DLG2: variants seen among roughly 807,000 people sequenced by gnomAD.
DLG2 encodes disks large homolog 2.
Under a neutral mutation model 132.5 loss-of-function variants are expected in DLG2, and 45 were observed. The ratio of observed to expected loss-of-function variants is 0.34; its 90% CI spans 0.27 to 0.44. DLG2 has a LOEUF of 0.44. DLG2 is among the 20% of genes least tolerant of loss of function. DLG2 has a pLI of 1.00. For missense variants in DLG2, 1,045 were observed against 1,196.9 expected (o/e 0.87, Z 1.87); for synonymous variants, 424 against 419.6 (o/e 1.01, Z -0.13).
intron 7 of DLG2, among the ~76,000 whole-genome samples, chr11:84,417,217 T>G (rs984267680): frequency 1.3e-5 from 2 of 152,200 alleles, no homozygotes; most frequent in African/African-American, 4.8e-5. Flanking sequence ...TGTGAACACT[T>G]TGCTTGGATT....
chr11:85,557,412 A>T (rs1380133320), intron 3 of DLG2, among the ~76,000 whole-genome samples: 1 of 151,892 alleles, frequency 6.6e-6, no homozygotes, highest in Non-Finnish European at 1.5e-5. Flanking sequence ...TACTATTCCC[A>T]TCAAACTACC....
chr11:84,314,516 T>C (rs561334667), intron 7 of DLG2, among the ~76,000 whole-genome samples: 2 of 152,162 alleles, frequency 1.3e-5, no homozygotes, highest in South Asian at 2.1e-4. Context: ...GATGCATATA[T>C]AAATGGAAAC....
intron 3 of DLG2, among the ~76,000 whole-genome samples, chr11:85,345,116 C>A (rs544196427): frequency 6.6e-6 from 1 of 152,180 alleles, no homozygotes; most frequent in South Asian, 2.1e-4. Context: ...GTACAAAAGC[C>A]AACACTGTGA....
intron 7 of DLG2, among the ~76,000 whole-genome samples, chr11:84,313,563 A>AG (rs772809685): frequency 0.41 from 46,825 of 113,240 alleles, 11,132 homozygotes; most frequent in East Asian, 0.59. Flanking sequence ...GGAGGGAGGG[A>AG]GGAGAGAGAG....
intron 8 of DLG2, among the ~76,000 whole-genome samples, chr11:84,199,768 A>G (rs1417642219): frequency 6.6e-6 from 1 of 152,160 alleles, no homozygotes; most frequent in Admixed American, 6.5e-5. Context: ...GAGAGAAAAA[A>G]TACTGCAAAA....
intron 7 of DLG2, among the ~76,000 whole-genome samples, chr11:84,426,236 T>C (rs980599144): frequency 6.6e-6 from 1 of 152,082 alleles, no homozygotes; most frequent in Non-Finnish European, 1.5e-5. Context: ...GGCCGAAGTT[T>C]GGAATTGCGA....
At chr11:84,965,340 C>T (rs946310417) in intron 6 of DLG2, among the ~76,000 whole-genome samples, 1 of 151,952 alleles carries the variant, frequency 6.6e-6, no homozygotes, top group Non-Finnish European at 1.5e-5. Context: ...CAAATGTTCT[C>T]TTTAGATTGC....
At chr11:85,114,717 A>T (rs1489312687) in intron 5 of DLG2, among the ~76,000 whole-genome samples, 1 of 151,998 alleles carries the variant, frequency 6.6e-6, no homozygotes, top group East Asian at 1.9e-4. Context: ...TATGCTGACC[A>T]ATTACACCTG....
At chr11:83,703,528 A>G (rs1315471268) in intron 18 of DLG2, among the ~76,000 whole-genome samples, 1 of 152,166 alleles carries the variant, frequency 6.6e-6, no homozygotes, top group African/African-American at 2.4e-5. Flanking sequence ...GCATGCCTGT[A>G]ATCCCAGCTA....
intron 6 of DLG2, among the ~76,000 whole-genome samples, chr11:84,584,890 G>A (rs1033490823): frequency 9.9e-5 from 15 of 151,140 alleles, no homozygotes; most frequent in Non-Finnish European, 4.4e-5. Context: ...GGGTTTCACC[G>A]TTTTAGTCGG....
At chr11:84,662,190 T>A (rs1339857490) in intron 6 of DLG2, among the ~76,000 whole-genome samples, 5 of 93,864 alleles carry the variant, frequency 5.3e-5, no homozygotes, top group African/African-American at 2.9e-4. Context: ...TTTGTAAATC[T>A]TTTTTTTTTT....
chr11:85,438,752 T>C (rs1405077740), intron 3 of DLG2, among the ~76,000 whole-genome samples: 1 of 152,180 alleles, frequency 6.6e-6, no homozygotes, highest in Non-Finnish European at 1.5e-5. Flanking sequence ...GTACGTAGGT[T>C]CCAGTTTCTA....
chr11:84,854,266 T>C (rs906734954), intron 6 of DLG2, among the ~76,000 whole-genome samples: 1 of 150,780 alleles, frequency 6.6e-6, no homozygotes, highest in African/African-American at 2.4e-5. Flanking sequence ...TAAACCTGCC[T>C]AACAAGTAGA....
intron 3 of DLG2, among the ~76,000 whole-genome samples, chr11:85,483,226 C>A (rs1162582346): frequency 1.3e-5 from 2 of 152,058 alleles, no homozygotes; most frequent in African/African-American, 4.8e-5. Context: ...AATAAGCAAA[C>A]CATATATGAA....
chr11:85,066,910 A>G (rs896312935), intron 6 of DLG2, among the ~76,000 whole-genome samples: 10 of 151,768 alleles, frequency 6.6e-5, no homozygotes, highest in Admixed American at 2.6e-4. Flanking sequence ...TATTTAACAC[A>G]GTATTAGAAG....
chr11:84,222,450 A>G (rs12281587), intron 8 of DLG2, among the ~76,000 whole-genome samples: 36,645 of 152,166 alleles, frequency 0.24, 6,231 homozygotes, highest in African/African-American at 0.48. Context: ...AATACGATTC[A>G]TAAATAAGGC....
intron 7 of DLG2, among the ~76,000 whole-genome samples, chr11:84,494,494 T>C (rs1195118054): frequency 6.6e-6 from 1 of 152,116 alleles, no homozygotes; most frequent in Non-Finnish European, 1.5e-5. Context: ...GAGAGGAGCA[T>C]GTTCATGAAA....
intron 8 of DLG2, among the ~76,000 whole-genome samples, chr11:84,221,204 G>T (rs2154325981): frequency 6.6e-6 from 1 of 151,984 alleles, no homozygotes; most frequent in South Asian, 2.1e-4. Flanking sequence ...GGCGCAGTGG[G>T]CCTGTAATCC....
intron 17 of DLG2, among the ~76,000 whole-genome samples, chr11:83,824,494 ACTTCCGT>A (rs2051889779): frequency 6.6e-6 from 1 of 152,150 alleles, no homozygotes; most frequent in Admixed American, 6.5e-5. Flanking sequence ...GTGAAAATTT[ACTTCCGT>A]CAAATAAAAT....
Sources: gnomAD v4.1 joint callset for allele counts (sites outside exome capture counted in the v4.1 genomes callset) on GRCh38, gnomAD v4.1.1 for gene constraint, MANE v1.5 for transcripts, NCBI Gene and HGNC (gene_info 2026-07-23, HGNC 2026-07-21) for gene names.